The following CNTD1 variants were observed in gnomAD, a reference collection of about 807,000 sequenced individuals.
The protein encoded by CNTD1 is cyclin N-terminal domain containing 1.
In CNTD1, 17 loss-of-function variants were observed where a neutral mutation model predicts 36.3. The observed-to-expected ratio is 0.47, with a 90% CI of 0.32 to 0.70. The LOEUF is 0.70. CNTD1 is among the 30% of genes least tolerant of loss of function. The pLI is 0.03. For synonymous variants in CNTD1, 128 were observed against 153.3 expected (o/e 0.83, Z 1.22); for missense variants, 338 against 386.1 (o/e 0.88, Z 1.04).
Position 42,805,779 on chromosome 17 carries a change from A to G in CNTD1, c.475A>G (p.Lys159Glu). 6.2e-7 allele frequency: 1 copy of G among 1,614,012 alleles called. No individual in the cohort carries two copies. The highest frequency in any genetic ancestry group is 8.5e-7 in the Non-Finnish European group (1 of 1,179,856). ...CCAGGCTCTAGGCTATCTACACACT[A>G]AAGAAGAACTGCTGGAATCAGAGCT... The part of the protein sequence containing the change: ...FLQALGYLHT[K>E]EELLESELDV... The change falls in exon 4 of 7, where the codon AAA becomes GAA. Residue 159 changes from lysine (K) to glutamate (E), a missense_variant. Physicochemically the swap from Lys to Glu is moderately conservative, Grantham distance 56 (BLOSUM62 1). Transcript: ENST00000588408.
rs749149984 is a variant in CNTD1, at chr17:42,810,931, G to A, written c.*1396G>A. The A allele has an allele frequency of 1.2e-6, 2 of 1,600,738 alleles. No homozygotes were observed. The highest frequency in any genetic ancestry group is 1.7e-6 in the Non-Finnish European group (2 of 1,173,642). On this transcript the variant is annotated 3_prime_UTR_variant, in exon 7 of 7. Coordinates refer to ENST00000588408, the MANE Select transcript of CNTD1 (RefSeq NM_173478.3). Reference sequence around the variant, plus strand: ...TCTTGCCTTTCTCCACATCCATCCTGCAGATGGACAGAGCAAAACTCATTA... The same window carrying A: ...TCTTGCCTTTCTCCACATCCATCCTACAGATGGACAGAGCAAAACTCATTA...
At position 42,809,687 on chromosome 17, in the gene CNTD1, A is replaced by C; in HGVS notation, c.*152A>C. ...CATGCTTATTTTTCCTTTATCAGAG[A>C]GAGTTAAGGTGGACGAGCATGCCCT... On this transcript the variant is annotated 3_prime_UTR_variant, in exon 7 of 7. Transcript: ENST00000588408. 1 of 690,568 alleles carries C rather than the reference A, an allele frequency of 1.4e-6. No homozygotes were observed. Among genetic ancestry groups the C allele is most frequent in the Non-Finnish European group, 2.3e-6 (1 of 427,870 alleles). The allele number at this position is 690,568 out of a possible 1,614,324, so 42.8% of individuals were successfully genotyped here.
rs142685190 is a variant in CNTD1 at position 42,810,577 on chromosome 17, T to C, written c.*1042T>C. ...CCAGGGCTGGCAACTATAGATGGCA[T>C]GTTGTAGCTCTGGAAAGTATCTGTC... is the stretch of plus-strand genomic sequence containing the variant. On this transcript the variant is annotated 3_prime_UTR_variant, in exon 7 of 7. Coordinates refer to ENST00000588408, the MANE Select transcript of CNTD1 (RefSeq NM_173478.3). The C allele has an allele frequency of 1.3e-4, 74 of 549,382 alleles. No homozygotes were observed. Among genetic ancestry groups the C allele is most frequent in the African/African-American group, 1.2e-3 (63 of 51,342 alleles). The allele number at this position is 549,382 out of a possible 1,614,324, so 34.0% of individuals were successfully genotyped here.
At chr17:42,800,069 T>TAAAAAAA (rs769118587) in intron 1 of CNTD1, among the ~76,000 whole-genome samples, 1 of 63,956 alleles carries the variant, frequency 1.6e-5, no homozygotes. Flanking sequence ...AGACTCTGTC[T>TAAAAAAA]AAAAAAAAAA....
intron 4 of CNTD1, 64 bp downstream of exon 4, chr17:42,805,948 TG>T (rs534658388): frequency 1.4e-5 from 21 of 1,453,562 alleles, no homozygotes; most frequent in African/African-American, 8.5e-5. Flanking sequence ...AAAATGTGCA[TG>T]GGGGGGCATG....
Position 42,811,068 on chromosome 17 carries a change from TTTGC to T in CNTD1, c.*1537_*1540del. On this transcript the variant is annotated 3_prime_UTR_variant, in exon 7 of 7. Transcript: ENST00000588408. ...GTGAGGAATGATAGTGTATTTTGGA[TTTGC>T]TTGAAAGCCAAAAATCAAGAAGACT... 1.0e-6 allele frequency: 1 copy of T among 967,558 alleles called. No individual in the cohort carries two copies. The highest frequency in any genetic ancestry group is 1.4e-6 in the Non-Finnish European group (1 of 696,652). The allele number at this position is 967,558 out of a possible 1,614,324, so 59.9% of individuals were successfully genotyped here. A position where few individuals can be genotyped will look rare whatever the true frequency, so the allele number is the denominator to read the frequency against.
At chr17:42,806,911 C>G in intron 5 of CNTD1, 93 bp downstream of exon 5, 2 of 1,193,744 alleles carry the variant, frequency 1.7e-6, no homozygotes, top group Non-Finnish European at 2.4e-6. Context: ...CCTAGCATGG[C>G]ATCCAGTCCC....
At chr17:42,807,492 C>G (rs746176321) in intron 5 of CNTD1, among the ~76,000 whole-genome samples, 1 of 151,940 alleles carries the variant, frequency 6.6e-6, no homozygotes, top group Non-Finnish European at 1.5e-5. Flanking sequence ...TAAAGTCAGA[C>G]TGGTTAAAAG....
chr17:42,810,702 T>C lies in CNTD1; in HGVS notation c.*1167T>C. On this transcript the variant is annotated 3_prime_UTR_variant, in exon 7 of 7. Transcript: ENST00000588408. The stretch of plus-strand genomic sequence containing the variant: ...TTACCCGAATTTAATTTAAAACATG[T>C]TTGCAAACAAAACAAAATTAAAAGC... 6.6e-7 allele frequency: 1 copy of C among 1,503,858 alleles called. No homozygotes were observed. The highest frequency in any genetic ancestry group is 9.0e-7 in the Non-Finnish European group (1 of 1,116,338). 93.2% of individuals were successfully genotyped at this position (1,503,858 alleles called of 1,614,324 possible).
At chr17:42,801,506 AAAAAATATATATATATATATATATAT>A (rs1417182107) in intron 1 of CNTD1, among the ~76,000 whole-genome samples, 3 of 52,730 alleles carry the variant, frequency 5.7e-5, no homozygotes, top group Non-Finnish European at 8.7e-5. Context: ...AAAAAAAAAA[AAAAAATATATATATATATATATATAT>A]ATATATATAT....
At position 42,810,700 on chromosome 17, in the gene CNTD1, T is replaced by C. The variant is rs539148454; in HGVS notation, c.*1165T>C. Reference sequence around the variant, plus strand: ...TATTACCCGAATTTAATTTAAAACATGTTTGCAAACAAAACAAAATTAAAA... The same window carrying C: ...TATTACCCGAATTTAATTTAAAACACGTTTGCAAACAAAACAAAATTAAAA... On this transcript the variant is annotated 3_prime_UTR_variant, in exon 7 of 7. Coordinates refer to ENST00000588408, the MANE Select transcript of CNTD1 (RefSeq NM_173478.3). The C allele has an allele frequency of 1.1e-4, 168 of 1,497,082 alleles. 1 individual carries two copies. The East Asian group carries it at 3.7e-3, about 33-fold the overall frequency. The allele number at this position is 1,497,082 out of a possible 1,614,324, so 92.7% of individuals were successfully genotyped here. A position where few individuals can be genotyped will look rare whatever the true frequency, so the allele number is the denominator to read the frequency against.
chr17:42,800,650 A>T (rs1238360547), intron 1 of CNTD1, among the ~76,000 whole-genome samples: 2 of 152,162 alleles, frequency 1.3e-5, no homozygotes, highest in Non-Finnish European at 2.9e-5. Flanking sequence ...TTTGGCAGTG[A>T]TGTAAAGGAG....
intron 6 of CNTD1, 96 bp from the exon 7 acceptor site, chr17:42,809,269 A>G (rs983113491): frequency 2.5e-6 from 3 of 1,178,748 alleles, no homozygotes; most frequent in African/African-American, 1.5e-5. Flanking sequence ...TGAATTTACA[A>G]TTGCCTTGAG....
At chr17:42,801,541 ATATATAAT>A (rs1217722581) in intron 1 of CNTD1, among the ~76,000 whole-genome samples, 7 of 68,718 alleles carry the variant, frequency 1.0e-4, no homozygotes, top group East Asian at 6.2e-4. Context: ...ATATATATAT[ATATATAAT>A]ATATGTGTGT....
intron 3 of CNTD1, 51 bp downstream of exon 3, chr17:42,804,447 C>A: frequency 6.8e-7 from 1 of 1,478,980 alleles, no homozygotes; most frequent in Non-Finnish European, 9.3e-7. Context: ...AAGAAACCAG[C>A]TTTTATACAA....
At position 42,811,016 on chromosome 17, in the gene CNTD1, G is replaced by C. The variant is rs749615315; in HGVS notation, c.*1481G>C. ...GGGACTTGATCATGGGACCATTCAC[G>C]TCATTTTATCTATTAAAGAACACTT... On this transcript the variant is annotated 3_prime_UTR_variant, in exon 7 of 7. Transcript: ENST00000588408. 13 of 1,323,584 alleles carry C rather than the reference G, an allele frequency of 9.8e-6. No individual in the cohort carries two copies. Among genetic ancestry groups the C allele is most frequent in the Non-Finnish European group, 1.3e-5 (13 of 985,738 alleles). The allele number at this position is 1,323,584 out of a possible 1,614,324, so 82.0% of individuals were successfully genotyped here.
intron 1 of CNTD1, 93 bp downstream of exon 1, chr17:42,799,329 T>G (rs933168833): frequency 8.7e-6 from 12 of 1,379,752 alleles, no homozygotes; most frequent in Non-Finnish European, 1.2e-5. Context: ...TTTTATTCAT[T>G]CAGAGAATGT....
chr17:42,803,793 G>C, intron 2 of CNTD1, 98 bp downstream of exon 2: 1 of 900,576 alleles, frequency 1.1e-6, no homozygotes, highest in South Asian at 1.5e-5. Context: ...CTTACCCTGA[G>C]ACCTGGTTTT....
At chr17:42,806,588 C>T in intron 4 of CNTD1, 86 bp from the exon 5 acceptor site, 1 of 1,393,248 alleles carries the variant, frequency 7.2e-7, no homozygotes, top group Non-Finnish European at 1.0e-6. Context: ...CACATTAGCA[C>T]CTCAACAGCT....
Sources: gnomAD v4.1 joint callset for allele counts (sites outside exome capture counted in the v4.1 genomes callset) on GRCh38, gnomAD v4.1.1 for gene constraint, MANE v1.5 for transcripts, NCBI Gene and HGNC (gene_info 2026-07-23, HGNC 2026-07-21) for gene names.